SPPL2B: variants seen among roughly 807,000 people sequenced by gnomAD.
SPPL2B encodes signal peptide peptidase-like 2B.
A neutral mutation model predicts 59.7 loss-of-function variants in SPPL2B; 39 were observed. The ratio of observed to expected loss-of-function variants is 0.65; its 90% CI spans 0.51 to 0.85. SPPL2B has a LOEUF of 0.85. Ranked by LOEUF, SPPL2B falls within the 40% of genes least tolerant of loss-of-function variation. The pLI is 0.00. For synonymous variants in SPPL2B, 419 were observed against 370.8 expected (o/e 1.13, Z -1.49); for missense variants, 865 against 849.0 (o/e 1.02, Z -0.23).
rs377325090 is a variant in SPPL2B, at chr19:2,334,617, G to T, written c.82G>T (p.Gly28Cys). The T allele has an allele frequency of 1.2e-6, 2 of 1,612,244 alleles. No individual in the cohort carries two copies. The highest frequency in any genetic ancestry group is 1.7e-5 in the Admixed American group (1 of 59,844). The part of the protein sequence containing the change: ...LLAAQVACEY[G>C]MVHVVSQAGG... ...TGTCCTGCAGGTGGCCTGTGAGTAC[G>T]GCATGGTGCACGTGGTCTCCCAGGC... Residue 28 changes from glycine to cysteine, a missense_variant, in exon 2 of 15, where the codon GGC (glycine) becomes TGC (cysteine). By Grantham distance (159) the Gly-to-Cys change is radical (BLOSUM62 -3). Coordinates refer to ENST00000613503, the MANE Select transcript of SPPL2B (RefSeq NM_152988.3).
intron 1 of SPPL2B, among the ~76,000 whole-genome samples, chr19:2,334,179 G>T (rs754743156): frequency 6.6e-6 from 1 of 152,186 alleles, no homozygotes; most frequent in Non-Finnish European, 1.5e-5. Context: ...CAGGCCTCCC[G>T]CCCAGGCTGG....
chr19:2,353,406 C>T lies in SPPL2B; in HGVS notation c.*197C>T. The T allele has an allele frequency of 1.5e-6, 1 of 649,284 alleles. No homozygotes were observed. The highest frequency in any genetic ancestry group is 2.5e-6 in the Non-Finnish European group (1 of 394,262). The allele number at this position is 649,284 out of a possible 1,614,324, so 40.2% of individuals were successfully genotyped here. A position where few individuals can be genotyped will look rare whatever the true frequency, so the allele number is the denominator to read the frequency against. ...GCGCCCAGCCCAGCTGCCCCGGCTG[C>T]ACGCCTGCTGCTCCCAGCTCGCCCG... On this transcript the variant is annotated 3_prime_UTR_variant, in exon 15 of 15. Transcript: ENST00000613503.
In SPPL2B at chr19:2,338,443, T is replaced by C; in HGVS notation, c.370-309T>C. 3 of 264,820 alleles carry C rather than the reference T, an allele frequency of 1.1e-5. No individual in the cohort carries two copies. In the South Asian group the frequency reaches 1.9e-4, roughly 17 times the overall value. The allele number at this position is 264,820 out of a possible 1,614,324, so 16.4% of individuals were successfully genotyped here. On this transcript the variant is annotated intron_variant, in intron 3 of 14. Transcript: ENST00000613503. The stretch of plus-strand genomic sequence containing the variant: ...GGCGGCTTAGTGGGCAGGCATGGGC[T>C]GTGACAAGTATCACTCAGGACTTGT...
intron 7 of SPPL2B, chr19:2,340,442 GGGTTCCCC>G: frequency 1.6e-6 from 1 of 628,782 alleles, no homozygotes; most frequent in Non-Finnish European, 2.9e-6. Flanking sequence ...GCCGAACCCT[GGGTTCCCC>G]AGGGTTCTCC....
rs1211263346 is a variant in SPPL2B, at chr19:2,354,477, G to C, written c.*1268G>C. The C allele has an allele frequency of 6.6e-6, 1 of 152,256 alleles. No homozygotes were observed. The highest frequency in any genetic ancestry group is 1.5e-5 in the Non-Finnish European group (1 of 68,092). The allele number at this position is 152,256 out of a possible 1,614,324, so 9.4% of individuals were successfully genotyped here. A position where few individuals can be genotyped will look rare whatever the true frequency, so the allele number is the denominator to read the frequency against. On this transcript the variant is annotated 3_prime_UTR_variant, in exon 15 of 15. Coordinates refer to ENST00000613503, the MANE Select transcript of SPPL2B (RefSeq NM_152988.3). ...CCTGTTGAGTGCGGCCTCCAGACTC[G>C]AGTCCAGAATCTGTTTCTGTCAAGT...
At chr19:2,328,832 T>C in intron 1 of SPPL2B, 57 bp downstream of exon 1, 2 of 1,301,956 alleles carry the variant, frequency 1.5e-6, no homozygotes, top group Non-Finnish European at 2.0e-6. Context: ...GGCCTCTCTG[T>C]CCCCGGGCTA....
intron 13 of SPPL2B, 106 bp downstream of exon 13, chr19:2,345,436 TA>T (rs1969310639): frequency 5.5e-6 from 5 of 909,436 alleles, no homozygotes; most frequent in Non-Finnish European, 8.8e-6. Flanking sequence ...ACCCTAACCC[TA>T]ATTCCAACTC....
At chr19:2,333,496 C>T (rs1674598263) in intron 1 of SPPL2B, among the ~76,000 whole-genome samples, 1 of 152,210 alleles carries the variant, frequency 6.6e-6, no homozygotes. Context: ...CCTCATAGCT[C>T]CATCCTGCTC....
chr19:2,348,155 G>T (rs531619367), intron 13 of SPPL2B, among the ~76,000 whole-genome samples: 1 of 26,086 alleles, frequency 3.8e-5, no homozygotes, highest in Non-Finnish European at 5.8e-5. Context: ...GCTTGATTCC[G>T]TTCTCTCTCC....
chr19:2,338,215 G>T (rs1476898466), intron 3 of SPPL2B: 2 of 154,866 alleles, frequency 1.3e-5, no homozygotes, highest in Admixed American at 1.3e-4. Context: ...AAGGAATGGA[G>T]TTCAGGAATT....
At chr19:2,331,348 G>A (rs1968284005) in intron 1 of SPPL2B, among the ~76,000 whole-genome samples, 1 of 152,236 alleles carries the variant, frequency 6.6e-6, no homozygotes, top group African/African-American at 2.4e-5. Context: ...CGTTTGTGCT[G>A]CAATTGTGAA....
intron 14 of SPPL2B, 183 bp downstream of exon 14, chr19:2,351,777 C>T (rs1969938293): frequency 1.2e-6 from 1 of 804,602 alleles, no homozygotes; most frequent in Admixed American, 3.4e-5. Context: ...GCGTGCAGCT[C>T]CTGTGCCGGG....
At position 2,353,137 on chromosome 19, in the gene SPPL2B, G is replaced by A; in HGVS notation, c.1707G>A (p.Gly569=). ...MGAGAPMREP[G]SPAESEGRDQ... is the part of the protein sequence containing the mutation. ...CTGGAGCCCCCATGCGGGAGCCTGG[G>A]AGCCCAGCTGAATCCGAGGGCCGGG... The change falls in exon 15 of 15, where the codon GGG becomes GGA. Residue 569 remains glycine, a synonymous_variant. Transcript: ENST00000613503. 1 of 1,610,776 alleles carries A rather than the reference G, an allele frequency of 6.2e-7. No homozygotes were observed. The highest frequency in any genetic ancestry group is 8.5e-7 in the Non-Finnish European group (1 of 1,179,290).
intron 8 of SPPL2B, 171 bp downstream of exon 8, chr19:2,341,185 C>A: frequency 1.4e-6 from 1 of 696,340 alleles, no homozygotes. Flanking sequence ...GCTGCGAGGG[C>A]GTTTCACCTG....
At chr19:2,329,722 C>T (rs1338277784) in intron 1 of SPPL2B, among the ~76,000 whole-genome samples, 1 of 152,206 alleles carries the variant, frequency 6.6e-6, no homozygotes, top group African/African-American at 2.4e-5. Context: ...TCCACCACAT[C>T]CCCAGTCCAT....
rs1568426738 is a variant in SPPL2B at position 2,332,139 on chromosome 19, G to C, written c.67-2463G>C. 6.6e-6 allele frequency among the ~76,000 whole-genome samples: 1 copy of C among 152,226 alleles called. No homozygotes were observed. The highest frequency in any genetic ancestry group is 1.5e-5 in the Non-Finnish European group (1 of 68,046). On this transcript the variant is annotated intron_variant, in intron 1 of 14. Coordinates refer to ENST00000613503, the MANE Select transcript of SPPL2B (RefSeq NM_152988.3). The surrounding 1 kb of genome is among the most constrained non-coding windows in gnomAD (Gnocchi z 4.6). Reference sequence around the variant, plus strand: ...GGTCACATGGGAGGTGCTTGGAGTGGGGCTGGGGCAGCTGTGGGAAGGAAG... The same window carrying C: ...GGTCACATGGGAGGTGCTTGGAGTGCGGCTGGGGCAGCTGTGGGAAGGAAG...
Position 2,351,940 on chromosome 19 carries a change from T to C in SPPL2B, c.1515+346T>C, listed in dbSNP as rs375330003. 2.2e-3 allele frequency among the ~76,000 whole-genome samples: 330 copies of C among 152,080 alleles called. 4 individuals carry two copies. The highest frequency in any genetic ancestry group is 7.0e-3 in the African/African-American group (292 of 41,490). Reference sequence around the variant, plus strand: ...TAAAGTTGCTTCTCCCAAATAGTAGTGCCCCACCTGCGTGGGCATCGGGCA... The same window carrying C: ...TAAAGTTGCTTCTCCCAAATAGTAGCGCCCCACCTGCGTGGGCATCGGGCA... On this transcript the variant is annotated intron_variant, in intron 14 of 14. Transcript: ENST00000613503.
In SPPL2B at chr19:2,351,573, C is replaced by T; in HGVS notation, c.1494C>T (p.Phe498=). 7 of 1,610,830 alleles carry T rather than the reference C, an allele frequency of 4.3e-6. No homozygotes were observed. The highest frequency in any genetic ancestry group is 5.1e-6 in the Non-Finnish European group (6 of 1,178,836). ...VALWRRELGV[F]WTGSGFAKVL... The stretch of plus-strand genomic sequence containing the variant: ...TCTGGCGCCGGGAGCTGGGCGTGTT[C>T]TGGACGGGCAGCGGCTTTGCGGTGA... Residue 498 remains phenylalanine (F), a synonymous_variant, in exon 14 of 15, where the codon TTC becomes TTT. Transcript: ENST00000613503.
chr19:2,338,896 C>A, intron 4 of SPPL2B, 55 bp downstream of exon 4: 1 of 1,567,088 alleles, frequency 6.4e-7, no homozygotes, highest in Non-Finnish European at 8.7e-7. Flanking sequence ...CAGGGGGCTT[C>A]GGGCTGGCTG....
Sources: allele counts gnomAD v4.1 joint callset (sites outside exome capture counted in the v4.1 genomes callset), GRCh38; gene constraint gnomAD v4.1.1; non-coding constraint Gnocchi (gnomAD v3.1); transcripts MANE v1.5; gene names NCBI Gene and HGNC (gene_info 2026-07-23, HGNC 2026-07-21).